The following SLC4A4 variants were observed in gnomAD, a reference collection of about 807,000 sequenced individuals.
SLC4A4 encodes the protein solute carrier family 4 member 4, also known as electrogenic sodium bicarbonate cotransporter 1.
In SLC4A4, 27 loss-of-function variants were observed where a neutral mutation model predicts 111.5. That is an observed-to-expected ratio of 0.24 (90% confidence interval 0.18 to 0.33). The LOEUF is 0.33. Among genes scored for constraint, SLC4A4 ranks in the 10% least tolerant of loss-of-function variants. The pLI, the probability that SLC4A4 is intolerant of heterozygous loss-of-function variation, is 1.00. For synonymous variants in SLC4A4, 443 were observed against 463.4 expected (o/e 0.96, Z 0.57); for missense variants, 909 against 1,315.5 (o/e 0.69, Z 4.78).
At chr4:71,416,160 G>C (rs1721806160) in intron 7 of SLC4A4, among the ~76,000 whole-genome samples, 1 of 152,164 alleles carries the variant, frequency 6.6e-6, no homozygotes, top group Admixed American at 6.6e-5. Flanking sequence ...TCTGGAGACA[G>C]CCAGCCTTTG....
intron 6 of SLC4A4, among the ~76,000 whole-genome samples, chr4:71,388,172 G>A (rs1286162983): frequency 7.2e-5 from 11 of 152,168 alleles, no homozygotes; most frequent in Admixed American, 6.5e-4. Context: ...TGTGAGATAA[G>A]AAGGTCACAA....
intron 18 of SLC4A4, among the ~76,000 whole-genome samples, chr4:71,536,465 C>CATATATACATATATATATATATAT (rs1491113972): frequency 7.4e-5 from 3 of 40,700 alleles, no homozygotes; most frequent in Admixed American, 7.2e-4. Context: ...TACATATATA[C>CATATATACATATATATATATATAT]ATATATATAT....
At chr4:71,494,645 T>C (rs1212240040) in intron 15 of SLC4A4, among the ~76,000 whole-genome samples, 1 of 151,954 alleles carries the variant, frequency 6.6e-6, no homozygotes, top group Non-Finnish European at 1.5e-5. Flanking sequence ...GATTTAACCG[T>C]TTAAACAGTA....
intron 3 of SLC4A4, among the ~76,000 whole-genome samples, chr4:71,315,041 G>T (rs1398924490): frequency 6.6e-6 from 1 of 152,124 alleles, no homozygotes; most frequent in Non-Finnish European, 1.5e-5. Flanking sequence ...AGGGAGATTG[G>T]ATAAGCTAGA....
chr4:71,378,546 C>CT (rs1401394431), intron 6 of SLC4A4, among the ~76,000 whole-genome samples: 2 of 152,150 alleles, frequency 1.3e-5, no homozygotes, highest in Non-Finnish European at 2.9e-5. Context: ...GTAAAGCACT[C>CT]TTATTAGACC....
intron 1 of SLC4A4, among the ~76,000 whole-genome samples, chr4:71,199,559 G>A (rs2149001716): frequency 6.6e-6 from 1 of 152,328 alleles, no homozygotes; most frequent in Middle Eastern, 3.4e-3. Flanking sequence ...AAAGTCTGGT[G>A]CCATGTATTC....
intron 3 of SLC4A4, among the ~76,000 whole-genome samples, chr4:71,289,805 A>G (rs776059411): frequency 2.6e-5 from 4 of 152,246 alleles, no homozygotes; most frequent in African/African-American, 2.4e-5. Context: ...CAACAAGCAC[A>G]CAGGCTAGGA....
intron 1 of SLC4A4, among the ~76,000 whole-genome samples, chr4:71,230,964 T>G (rs1719385928): frequency 6.6e-6 from 1 of 152,256 alleles, no homozygotes; most frequent in South Asian, 2.1e-4. Context: ...GCAGGCTTTT[T>G]GCTACTGCAT....
intron 2 of SLC4A4, among the ~76,000 whole-genome samples, chr4:71,181,540 A>G (rs961371710): frequency 1.3e-5 from 2 of 152,182 alleles, no homozygotes; most frequent in Admixed American, 1.3e-4. Flanking sequence ...ATTGTGTAAG[A>G]AGAATGATGT....
chr4:71,204,959 T>C (rs909833031), intron 1 of SLC4A4, among the ~76,000 whole-genome samples: 1 of 152,222 alleles, frequency 6.6e-6, no homozygotes. Context: ...ACGTACATCT[T>C]AACACTGGAT....
At chr4:71,211,333 C>T (rs2579307) in intron 1 of SLC4A4, among the ~76,000 whole-genome samples, 24,321 of 152,066 alleles carry the variant, frequency 0.16, 3,182 homozygotes, top group African/African-American at 0.33. Flanking sequence ...GGTCTGTCAT[C>T]ACCATACTTT....
At chr4:71,294,216 C>A (rs1724600658) in intron 3 of SLC4A4, among the ~76,000 whole-genome samples, 2 of 152,150 alleles carry the variant, frequency 1.3e-5, no homozygotes, top group East Asian at 3.9e-4. Flanking sequence ...AGCACATTCT[C>A]CCAGTTAAGA....
At chr4:71,193,360 C>G (rs568413230) in intron 1 of SLC4A4, among the ~76,000 whole-genome samples, 17 of 152,242 alleles carry the variant, frequency 1.1e-4, no homozygotes, top group South Asian at 6.2e-4. Flanking sequence ...AGGGTTTCAC[C>G]GTGTTAGCCA....
At position 71,081,320 on chromosome 4, in the gene SLC4A4, G is replaced by A. The variant is rs1741988120; in HGVS notation, c.-64-11410G>A. Among the ~76,000 whole-genome samples, 3 of 152,096 alleles carry A rather than the reference G, an allele frequency of 2.0e-5. No homozygotes were observed. In the South Asian group the frequency reaches 6.2e-4, roughly 32 times the overall value. ...TATTCATGCAGAGCCTGGGCTTAGAGCTCACCACTGAGATTCCCAAACTGG... is the reference window on the plus strand; with the variant it reads ...TATTCATGCAGAGCCTGGGCTTAGAACTCACCACTGAGATTCCCAAACTGG... On this transcript the variant is annotated intron_variant, in intron 1 of 26. Coordinates refer to the SLC4A4 transcript ENST00000649996.
At chr4:71,259,961 A>T (rs970868023) in intron 3 of SLC4A4, among the ~76,000 whole-genome samples, 1 of 152,196 alleles carries the variant, frequency 6.6e-6, no homozygotes, top group Non-Finnish European at 1.5e-5. Flanking sequence ...TGGAGGTGCT[A>T]ACTGCCTCTC....
intron 3 of SLC4A4, among the ~76,000 whole-genome samples, chr4:71,332,984 G>A (rs1728140761): frequency 6.6e-6 from 1 of 152,218 alleles, no homozygotes; most frequent in Non-Finnish European, 1.5e-5. Flanking sequence ...TGTCTGAAAG[G>A]TCATATGTCT....
At chr4:71,372,037 T>C (rs1266459467) in intron 6 of SLC4A4, among the ~76,000 whole-genome samples, 1 of 152,238 alleles carries the variant, frequency 6.6e-6, no homozygotes, top group Non-Finnish European at 1.5e-5. Context: ...TTTATTCTAA[T>C]TGTTAACATG....
chr4:71,104,102 C>T (rs1742843135), intron 2 of SLC4A4, among the ~76,000 whole-genome samples: 1 of 41,006 alleles, frequency 2.4e-5, no homozygotes, highest in Non-Finnish European at 4.8e-5. Flanking sequence ...CACCACCGAT[C>T]CCACAGAAAT....
intron 6 of SLC4A4, among the ~76,000 whole-genome samples, chr4:71,392,919 C>T (rs1242369074): frequency 6.6e-6 from 1 of 152,080 alleles, no homozygotes; most frequent in Non-Finnish European, 1.5e-5. Context: ...AAAAAAATCA[C>T]ATGATCATCT....
Sources: allele counts gnomAD v4.1 joint callset (sites outside exome capture counted in the v4.1 genomes callset), GRCh38; gene constraint gnomAD v4.1.1; transcripts MANE v1.5; gene names NCBI Gene and HGNC (gene_info 2026-07-23, HGNC 2026-07-21).